DONSON: variants seen among roughly 807,000 people sequenced by gnomAD.
DONSON encodes the protein DNA replication fork stabilization factor DONSON, also known as protein downstream neighbor of Son.
A neutral mutation model predicts 62.1 loss-of-function variants in DONSON; 43 were observed. The ratio of observed to expected loss-of-function variants is 0.69; its 90% CI spans 0.54 to 0.89. The LOEUF (loss-of-function observed/expected upper bound fraction) is 0.89, where lower values mean the gene tolerates loss of function less well. Among genes scored for constraint, DONSON ranks in the 40% least tolerant of loss-of-function variants. The pLI is 0.00. For missense variants in DONSON, 696 were observed against 697.5 expected, an observed-to-expected ratio of 1.00 and a Z score of 0.03; for synonymous variants, 266 against 264.6, an observed-to-expected ratio of 1.01 and a Z score of -0.05.
In DONSON at chr21:33,579,637, A is replaced by G. The variant is rs2086482911; in HGVS notation, c.1351-75T>C. On this transcript the variant is annotated intron_variant, in intron 8 of 9. Coordinates refer to ENST00000303071, the MANE Select transcript of DONSON (RefSeq NM_017613.4). ...TTGCCTAGCCAAAAATATGTTCAAT[A>G]TATTTCCATTTGGGGTTTCCTCTCT... 7 of 1,220,780 alleles carry G rather than the reference A, an allele frequency of 5.7e-6. No individual in the cohort carries two copies. In the East Asian group the frequency reaches 9.5e-5, roughly 17 times the overall value. 75.6% of individuals were successfully genotyped at this position (1,220,780 alleles called of 1,614,324 possible).
Position 33,577,676 on chromosome 21 carries a change from C to G in DONSON, c.*631G>C, listed in dbSNP as rs999416317. 2 of 107,538 alleles carry G rather than the reference C, an allele frequency of 1.9e-5. 1 individual carries two copies. The highest frequency in any genetic ancestry group is 8.5e-5 in the African/African-American group (2 of 23,620). 6.7% of individuals were successfully genotyped at this position (107,538 alleles called of 1,614,324 possible). ...ACACACACACACACACACACACACA[C>G]ACACACACACACACACACACACACA... is the stretch of plus-strand genomic sequence containing the variant. On this transcript the variant is annotated 3_prime_UTR_variant, in exon 10 of 10. Transcript: ENST00000303071.
In DONSON at chr21:33,588,455, C is replaced by A. The variant is rs1224398932; in HGVS notation, c.187G>T (p.Gly63Cys). 4 of 1,305,836 alleles carry A rather than the reference C, an allele frequency of 3.1e-6. No homozygotes were observed. In the South Asian group the frequency reaches 9.2e-5, roughly 30 times the overall value. 80.9% of individuals were successfully genotyped at this position (1,305,836 alleles called of 1,614,324 possible). A position where few individuals can be genotyped will look rare whatever the true frequency, so the allele number is the denominator to read the frequency against. Residue 63 changes from glycine (G) to cysteine (C), a missense_variant, in exon 1 of 10, where the codon GGC (glycine) becomes TGC (cysteine). Gly to Cys is a radical substitution (Grantham distance 159). Transcript: ENST00000303071. Reference sequence around the variant, plus strand: ...CCGCCGCCGCTGCCACCGCCTCTGCCCCCCGCAGCAGGGAAAGGGCGAAGA... The same window carrying A: ...CCGCCGCCGCTGCCACCGCCTCTGCACCCCGCAGCAGGGAAAGGGCGAAGA... ...LPLRPFPAAG[G>C]RGGGSGGGPA... is the part of the protein sequence containing the mutation.
At position 33,587,594 on chromosome 21, in the gene DONSON, A is replaced by G. The variant is rs781343006; in HGVS notation, c.330T>C (p.Asp110=). 3.2e-6 allele frequency: 5 copies of G among 1,587,014 alleles called. No homozygotes were observed. The highest frequency in any genetic ancestry group is 4.3e-6 in the Non-Finnish European group (5 of 1,169,968). ...EQPEAPVPFL[D]SNQENDLLWE... is the part of the protein sequence containing the mutation. The stretch of plus-strand genomic sequence containing the variant: ...ATAGCAAATCATTTTCTTGATTAGA[A>G]TCTAAAAACTGAGGTTAAATATATT... Residue 110 remains aspartate (D), a synonymous_variant, in exon 2 of 10, where the codon GAT becomes GAC. Coordinates refer to ENST00000303071, the MANE Select transcript of DONSON (RefSeq NM_017613.4).
intron 5 of DONSON, 69 bp from the exon 6 acceptor site, chr21:33,582,315 AGT>A: frequency 7.8e-7 from 1 of 1,288,306 alleles, no homozygotes; most frequent in South Asian, 1.3e-5. Flanking sequence ...GTACTTTTAG[AGT>A]GTAAAAAATT....
At chr21:33,581,897 C>T (rs1480799208) in intron 7 of DONSON, 54 bp downstream of exon 7, 1 of 1,505,824 alleles carries the variant, frequency 6.6e-7, no homozygotes, top group Non-Finnish European at 9.2e-7. Context: ...TTAAACTTCT[C>T]ACTAACGTCA....
At chr21:33,582,853 G>A (rs2086528863) in intron 5 of DONSON, among the ~76,000 whole-genome samples, 1 of 152,194 alleles carries the variant, frequency 6.6e-6, no homozygotes, top group Admixed American at 6.5e-5. Context: ...ACAGGGGCAC[G>A]AATCCTACTG....
At position 33,587,569 on chromosome 21, in the gene DONSON, A is replaced by C; in HGVS notation, c.355T>G (p.Trp119Gly). The C allele has an allele frequency of 6.3e-7, 1 of 1,597,188 alleles. No homozygotes were observed. Among genetic ancestry groups the C allele is most frequent in the Non-Finnish European group, 8.5e-7 (1 of 1,174,724 alleles). ...GTTCTTTCAGGAAACTTCTCTTCCCATAGCAAATCATTTTCTTGATTAGAA... is the reference window on the plus strand; with the variant it reads ...GTTCTTTCAGGAAACTTCTCTTCCCCTAGCAAATCATTTTCTTGATTAGAA... ...LDSNQENDLL[W>G]EEKFPERTTV... Residue 119 changes from tryptophan to glycine, a missense_variant, in exon 2 of 10, where the codon TGG becomes GGG. By Grantham distance (184) the Trp-to-Gly change is radical. Transcript: ENST00000303071.
intron 3 of DONSON, 45 bp from the exon 4 acceptor site, chr21:33,584,813 A>C (rs373978749): frequency 7.1e-7 from 1 of 1,417,254 alleles, no homozygotes; most frequent in African/African-American, 1.4e-5. Flanking sequence ...CCATTGAGAA[A>C]TAGAGAATTT....
rs1601318856 is a variant in DONSON at position 33,587,464 on chromosome 21, T to C, written c.402+58A>G. 3.3e-6 allele frequency: 5 copies of C among 1,504,150 alleles called. No homozygotes were observed. In the East Asian group the frequency reaches 1.2e-4, roughly 36 times the overall value. 93.2% of individuals were successfully genotyped at this position (1,504,150 alleles called of 1,614,324 possible). ...ATGTATTTTTAAAAATAGGCTCAAATCCTATGAAAAAAAAGTTTATACAAA... is the reference window on the plus strand; with the variant it reads ...ATGTATTTTTAAAAATAGGCTCAAACCCTATGAAAAAAAAGTTTATACAAA... On this transcript the variant is annotated intron_variant, in intron 2 of 9. Coordinates refer to ENST00000303071, the MANE Select transcript of DONSON (RefSeq NM_017613.4).
rs2145899286 is a variant in DONSON, at chr21:33,579,507, C to T, written c.1406G>A (p.Ser469Asn). 2 of 1,614,206 alleles carry T rather than the reference C, an allele frequency of 1.2e-6. No homozygotes were observed. Among genetic ancestry groups the T allele is most frequent in the African/African-American group, 1.3e-5 (1 of 75,066 alleles). ...QALSGYRDQF[S>N]LEITGPIMPH... ...CATGATAGGACCTGTAATCTCCAAACTAAATTGGTCTCTGTATCCAGAAAG... is the reference window on the plus strand; with the variant it reads ...CATGATAGGACCTGTAATCTCCAAATTAAATTGGTCTCTGTATCCAGAAAG... The change falls in exon 9 of 10, where the codon AGT becomes AAT. Residue 469 changes from serine (S) to asparagine (N), a missense_variant. Coordinates refer to ENST00000303071, the MANE Select transcript of DONSON (RefSeq NM_017613.4).
chr21:33,582,976 C>T (rs1393487032), intron 5 of DONSON, among the ~76,000 whole-genome samples: 1 of 151,770 alleles, frequency 6.6e-6, no homozygotes, highest in Non-Finnish European at 1.5e-5. Flanking sequence ...CCGAGGCGGG[C>T]GGATCACGAG....
At position 33,588,472 on chromosome 21, in the gene DONSON, G is replaced by A. The variant is rs761178168; in HGVS notation, c.170C>T (p.Pro57Leu). ...GCCTCTGCCCCCCGCAGCAGGGAAA[G>A]GGCGAAGAGGCAGCCCCGCCACCAG... ...AALVAGLPLRPFPAAGGRGGG... is the reference protein window; with the variant it reads ...AALVAGLPLRLFPAAGGRGGG... The change falls in exon 1 of 10, where the codon CCT (proline) becomes CTT (leucine). Residue 57 changes from proline to leucine, a missense_variant. Physicochemically the swap from Pro to Leu is moderately conservative, Grantham distance 98. Transcript: ENST00000303071. 1.6e-6 allele frequency: 2 copies of A among 1,278,182 alleles called. No homozygotes were observed. The highest frequency in any genetic ancestry group is 2.6e-5 in the South Asian group (1 of 37,760). The allele number at this position is 1,278,182 out of a possible 1,614,324, so 79.2% of individuals were successfully genotyped here. A position where few individuals can be genotyped will look rare whatever the true frequency, so the allele number is the denominator to read the frequency against.
chr21:33,588,045 G>A (rs951705921), intron 1 of DONSON, among the ~76,000 whole-genome samples: 2 of 152,260 alleles, frequency 1.3e-5, no homozygotes, highest in East Asian at 3.9e-4. Flanking sequence ...CCTCTCCAAG[G>A]GGCTCCTCGC....
At chr21:33,587,681 A>G in intron 1 of DONSON, 79 bp from the exon 2 acceptor site, 1 of 938,874 alleles carries the variant, frequency 1.1e-6, no homozygotes, top group Non-Finnish European at 1.6e-6. Flanking sequence ...CTCACCTGGC[A>G]TACATGTTTC....
At chr21:33,584,569 A>C (rs1435151896) in intron 4 of DONSON, 21 bp downstream of exon 4, 2 of 1,563,548 alleles carry the variant, frequency 1.3e-6, no homozygotes, top group Non-Finnish European at 8.7e-7. Flanking sequence ...GAATTATACA[A>C]GTTTCTCTTA....
In DONSON at chr21:33,588,600, CT is replaced by C; in HGVS notation, c.41del (p.Lys14SerfsTer5). 8.0e-7 allele frequency: 1 copy of C among 1,249,468 alleles called. No homozygotes were observed. Among genetic ancestry groups the C allele is most frequent in the South Asian group, 3.1e-5 (1 of 32,216 alleles). 77.4% of individuals were successfully genotyped at this position (1,249,468 alleles called of 1,614,324 possible). On this transcript the variant is annotated frameshift_variant, in exon 1 of 10. Coordinates refer to ENST00000303071, the MANE Select transcript of DONSON (RefSeq NM_017613.4). LOFTEE classifies it high-confidence loss of function. ...GTCGGAGCCGCACTACCTCGGGCGG[CT>C]TTCGGAAGCCCGGTGAGTAGCCGGG... is the stretch of plus-strand genomic sequence containing the variant. ...SVPGYSPGFR[K>X]PPEVVRLRRK...
intron 8 of DONSON, 135 bp from the exon 9 acceptor site, chr21:33,579,697 C>T: frequency 1.5e-6 from 1 of 678,920 alleles, no homozygotes; most frequent in Non-Finnish European, 2.4e-6. Context: ...TTTCCCAAGA[C>T]ATCTAAACAA....
At chr21:33,586,631 A>T (rs1177238369) in intron 2 of DONSON, among the ~76,000 whole-genome samples, 3 of 152,038 alleles carry the variant, frequency 2.0e-5, no homozygotes, top group African/African-American at 7.3e-5. Flanking sequence ...CCACAATACA[A>T]GAATTTTTTT....
chr21:33,578,129 T>G lies in DONSON; in HGVS notation c.*178A>C. 1 of 627,784 alleles carries G rather than the reference T, an allele frequency of 1.6e-6. No individual in the cohort carries two copies. Among genetic ancestry groups the G allele is most frequent in the East Asian group, 3.0e-5 (1 of 33,532 alleles). 38.9% of individuals were successfully genotyped at this position (627,784 alleles called of 1,614,324 possible). ...TCATTTGAGTTATCTGAGTTTTTCA[T>G]CTTTATATCTAAAAATCTAATCTGA... On this transcript the variant is annotated 3_prime_UTR_variant, in exon 10 of 10. Transcript: ENST00000303071.
Sources: allele counts gnomAD v4.1 joint callset (sites outside exome capture counted in the v4.1 genomes callset), GRCh38; gene constraint gnomAD v4.1.1; transcripts MANE v1.5; gene names NCBI Gene and HGNC (gene_info 2026-07-23, HGNC 2026-07-21).